Variants in SLIT2 observed in about 807,000 individuals in gnomAD.
SLIT2 encodes the protein slit homolog 2 protein.
In SLIT2, 41 loss-of-function variants were observed where a neutral mutation model predicts 185.7. The ratio of observed to expected loss-of-function variants is 0.22; its 90% CI spans 0.17 to 0.29. SLIT2 has a LOEUF of 0.29. Among genes scored for constraint, SLIT2 ranks in the 10% least tolerant of loss-of-function variants. The probability of loss-of-function intolerance (pLI) is 1.00; values close to 1 mark genes in which losing one functional copy is unlikely to be tolerated. For synonymous variants in SLIT2, 693 were observed against 680.2 expected (o/e 1.02, Z -0.29); for missense variants, 1,571 against 1,909.0 (o/e 0.82, Z 3.30).
intron 3 of SLIT2, among the ~76,000 whole-genome samples, chr4:20,259,944 A>G (rs576928252): frequency 7.2e-5 from 11 of 152,000 alleles, no homozygotes; most frequent in Admixed American, 7.2e-4. Context: ...TTGTTATCTG[A>G]CAGCCAATTC....
intron 4 of SLIT2, among the ~76,000 whole-genome samples, chr4:20,328,013 G>A (rs919662943): frequency 6.6e-6 from 1 of 152,004 alleles, no homozygotes; most frequent in Non-Finnish European, 1.5e-5. Context: ...TACGCAATGG[G>A]AGAGTCAACA....
intron 4 of SLIT2, among the ~76,000 whole-genome samples, chr4:20,378,887 A>G (rs1160062431): frequency 2.0e-5 from 3 of 152,144 alleles, no homozygotes; most frequent in Non-Finnish European, 4.4e-5. Flanking sequence ...CATCTAAGCA[A>G]TGGAGTATTA....
chr4:20,488,934 A>G lies in SLIT2; in HGVS notation c.727A>G (p.Arg243Gly). Reference sequence around the variant, plus strand: ...TCAGTGTATGGGCCCCTCCCACCTGAGAGGCCATAATGTAGCCGAGGTTCA... The same window carrying G: ...TCAGTGTATGGGCCCCTCCCACCTGGGAGGCCATAATGTAGCCGAGGTTCA... ...YTQCMGPSHL[R>G]GHNVAEVQKR... is the part of the protein sequence containing the mutation. Residue 243 changes from arginine to glycine, a missense_variant, in exon 8 of 37, where the codon AGA becomes GGA. Around this residue, in one of 3 missense-constraint regions of SLIT2, gnomAD observed 1,202 missense variants for 1,416.4 expected, o/e 0.85. Transcript: ENST00000504154. 1 of 1,612,008 alleles carries G rather than the reference A, an allele frequency of 6.2e-7. No homozygotes were observed. The highest frequency in any genetic ancestry group is 8.5e-7 in the Non-Finnish European group (1 of 1,178,384).
intron 29 of SLIT2, among the ~76,000 whole-genome samples, chr4:20,572,147 A>T (rs1019904687): frequency 6.6e-6 from 1 of 152,236 alleles, no homozygotes; most frequent in Non-Finnish European, 1.5e-5. Context: ...GATTGACAGC[A>T]TGAATTGTAA....
chr4:20,352,823 G>A (rs1721995832), intron 4 of SLIT2, among the ~76,000 whole-genome samples: 1 of 152,160 alleles, frequency 6.6e-6, no homozygotes, highest in Non-Finnish European at 1.5e-5. Flanking sequence ...TGAGGTGGGA[G>A]AATCGCTTGA....
intron 4 of SLIT2, among the ~76,000 whole-genome samples, chr4:20,284,260 C>T (rs1715060073): frequency 6.6e-6 from 1 of 152,174 alleles, no homozygotes; most frequent in African/African-American, 2.4e-5. Context: ...ATAATGAATC[C>T]ACAAACCTCT....
In SLIT2 at chr4:20,295,441, C is replaced by A. The variant is rs531538711; in HGVS notation, c.395+26560C>A. 2.6e-5 allele frequency among the ~76,000 whole-genome samples: 4 copies of A among 152,302 alleles called. No homozygotes were observed. In the East Asian group the frequency reaches 7.7e-4, roughly 29 times the overall value. Reference sequence around the variant, plus strand: ...GAACAAAGTCGACTTATGCTAACAACTCCTAATTTGGTCATGACTTTTGGG... The same window carrying A: ...GAACAAAGTCGACTTATGCTAACAAATCCTAATTTGGTCATGACTTTTGGG... On this transcript the variant is annotated intron_variant, in intron 4 of 36. Transcript: ENST00000504154.
At chr4:20,463,302 A>G (rs556286837) in intron 4 of SLIT2, among the ~76,000 whole-genome samples, 2 of 151,848 alleles carry the variant, frequency 1.3e-5, no homozygotes, top group South Asian at 2.1e-4. Flanking sequence ...CAAGTTTCAC[A>G]TAAGATCTCA....
Position 20,595,805 on chromosome 4 carries a change from C to A in SLIT2, c.3291C>A (p.Gly1097=). The part of the protein sequence containing the change: ...NGAHCTDAVN[G]YTCICPEGYS... ...CCCACTGCACAGATGCAGTGAACGGCTATACGTGCATATGCCCCGAAGGTT... is the reference window on the plus strand; with the variant it reads ...CCCACTGCACAGATGCAGTGAACGGATATACGTGCATATGCCCCGAAGGTT... Residue 1097 remains glycine (G), a synonymous_variant, in exon 31 of 37, where the codon GGC becomes GGA. Coordinates refer to ENST00000504154, the MANE Select transcript of SLIT2 (RefSeq NM_004787.4). 1 of 1,614,024 alleles carries A rather than the reference C, an allele frequency of 6.2e-7. No individual in the cohort carries two copies. Among genetic ancestry groups the A allele is most frequent in the South Asian group, 1.1e-5 (1 of 91,062 alleles).
At chr4:20,323,874 T>C (rs1451736821) in intron 4 of SLIT2, among the ~76,000 whole-genome samples, 1 of 152,214 alleles carries the variant, frequency 6.6e-6, no homozygotes, top group Non-Finnish European at 1.5e-5. Flanking sequence ...ATATAGAATG[T>C]GTTCAGTTTG....
intron 12 of SLIT2, among the ~76,000 whole-genome samples, chr4:20,522,019 G>A (rs1194216174): frequency 6.6e-6 from 1 of 151,996 alleles, no homozygotes; most frequent in Admixed American, 6.6e-5. Flanking sequence ...TCCAAGTATT[G>A]CCTACAGTTT....
intron 4 of SLIT2, among the ~76,000 whole-genome samples, chr4:20,292,582 A>T (rs559099512): frequency 6.6e-6 from 1 of 152,248 alleles, no homozygotes; most frequent in African/African-American, 2.4e-5. Flanking sequence ...GTTTATGGAA[A>T]TTTTTTAGTT....
intron 4 of SLIT2, among the ~76,000 whole-genome samples, chr4:20,456,168 A>G (rs1193285886): frequency 6.8e-6 from 1 of 146,108 alleles, no homozygotes; most frequent in Admixed American, 7.0e-5. Flanking sequence ...CCTTTGTTAT[A>G]ATAGGTCTTG....
chr4:20,455,926 G>T (rs189135428), intron 4 of SLIT2, among the ~76,000 whole-genome samples: 1 of 152,172 alleles, frequency 6.6e-6, no homozygotes, highest in African/African-American at 2.4e-5. Flanking sequence ...TTCAACTGAA[G>T]TTGAACACAT....
chr4:20,570,264 C>CT (rs1229062065), intron 29 of SLIT2, among the ~76,000 whole-genome samples: 4 of 151,964 alleles, frequency 2.6e-5, no homozygotes, highest in Non-Finnish European at 4.4e-5. Flanking sequence ...GTCTATGGCC[C>CT]TTCGACTGCT....
chr4:20,543,496 T>TA (rs111485689), intron 21 of SLIT2, among the ~76,000 whole-genome samples: 82 of 152,330 alleles, frequency 5.4e-4, no homozygotes, highest in African/African-American at 1.9e-3. Flanking sequence ...GTTTATTTTT[T>TA]ATCTATGTGG....
At chr4:20,513,738 G>A (rs567007718) in intron 11 of SLIT2, among the ~76,000 whole-genome samples, 3 of 151,622 alleles carry the variant, frequency 2.0e-5, no homozygotes, top group Admixed American at 6.6e-5. Flanking sequence ...GCTGTGGTTG[G>A]CGGGGGGAAG....
intron 4 of SLIT2, among the ~76,000 whole-genome samples, chr4:20,437,914 CAAAAAAAAA>C (rs1224604666): frequency 4.6e-5 from 3 of 65,614 alleles, no homozygotes; most frequent in African/African-American, 1.3e-4. Flanking sequence ...GACTCCGTCT[CAAAAAAAAA>C]AAAAAAAAAA....
At chr4:20,362,963 A>C (rs1301998990) in intron 4 of SLIT2, among the ~76,000 whole-genome samples, 2 of 152,094 alleles carry the variant, frequency 1.3e-5, no homozygotes, top group African/African-American at 4.8e-5. Context: ...ATGTTTAAAA[A>C]CTGCTTTGGG....
Sources: gnomAD v4.1 joint callset for allele counts (sites outside exome capture counted in the v4.1 genomes callset) on GRCh38, gnomAD v4.1.1 for gene constraint, gnomAD v4.1.1 regional missense constraint, MANE v1.5 for transcripts, NCBI Gene and HGNC (gene_info 2026-07-23, HGNC 2026-07-21) for gene names.